Variants in VPS13B observed in about 807,000 individuals in gnomAD.
The protein encoded by VPS13B is intermembrane lipid transfer protein VPS13B.
A neutral mutation model predicts 426.4 loss-of-function variants in VPS13B; 285 were observed. The ratio of observed to expected loss-of-function variants is 0.67; its 90% confidence interval spans 0.61 to 0.74. The LOEUF is 0.74. Among genes scored for constraint, VPS13B ranks in the 30% least tolerant of loss-of-function variants. The pLI is 0.00. For synonymous variants in VPS13B, 1,676 were observed against 1,676.4 expected (o/e 1.00, Z 0.01); for missense variants, 4,537 against 4,782.6 (o/e 0.95, Z 1.51).
intron 19 of VPS13B, among the ~76,000 whole-genome samples, chr8:99,292,593 G>T (rs1333997711): frequency 6.6e-6 from 1 of 152,082 alleles, no homozygotes; most frequent in Non-Finnish European, 1.5e-5. Flanking sequence ...TAGATATTAT[G>T]TTATTTAAAA....
intron 3 of VPS13B, among the ~76,000 whole-genome samples, chr8:99,064,549 G>A (rs1844370013): frequency 6.6e-6 from 1 of 152,138 alleles, no homozygotes. Context: ...GAGAAGAGAA[G>A]TTTAGAGAAA....
intron 4 of VPS13B, among the ~76,000 whole-genome samples, chr8:99,099,076 C>A (rs1846590530): frequency 6.6e-6 from 1 of 151,924 alleles, no homozygotes; most frequent in South Asian, 2.1e-4. Context: ...ATAGTATCAC[C>A]AACTCACATC....
intron 19 of VPS13B, among the ~76,000 whole-genome samples, chr8:99,338,543 G>A (rs1189022751): frequency 1.3e-5 from 2 of 152,088 alleles, no homozygotes; most frequent in Admixed American, 1.3e-4. Flanking sequence ...TTGACGGTAT[G>A]TGATTCACAT....
chr8:99,570,140 T>C (rs1318234383), intron 31 of VPS13B, among the ~76,000 whole-genome samples: 1 of 152,232 alleles, frequency 6.6e-6, no homozygotes, highest in Admixed American at 6.5e-5. Context: ...TCATGGGTGA[T>C]GAGCAGTTTC....
intron 19 of VPS13B, among the ~76,000 whole-genome samples, chr8:99,279,787 T>A (rs1038324883): frequency 1.3e-5 from 2 of 151,832 alleles, no homozygotes; most frequent in African/African-American, 4.8e-5. Context: ...TTTTTTCTTT[T>A]GATATGGAGT....
intron 31 of VPS13B, among the ~76,000 whole-genome samples, chr8:99,574,653 A>G (rs1825678267): frequency 6.6e-6 from 1 of 152,222 alleles, no homozygotes; most frequent in Non-Finnish European, 1.5e-5. Flanking sequence ...TAAATAACTG[A>G]TGAAAGCTGG....
At chr8:99,271,549 T>G (rs1818606912) in intron 17 of VPS13B, among the ~76,000 whole-genome samples, 1 of 152,124 alleles carries the variant, frequency 6.6e-6, no homozygotes, top group Admixed American at 6.5e-5. Context: ...ATTAGCAAAT[T>G]GATAGCTCCG....
chr8:99,171,689 T>C (rs188410235), intron 16 of VPS13B, among the ~76,000 whole-genome samples: 167 of 152,226 alleles, frequency 1.1e-3, no homozygotes, highest in Non-Finnish European at 1.4e-3. Flanking sequence ...TTTGCTTTTT[T>C]GTAGTTAAGA....
intron 15 of VPS13B, among the ~76,000 whole-genome samples, chr8:99,166,072 C>T (rs1210518615): frequency 1.3e-5 from 2 of 152,150 alleles, no homozygotes; most frequent in African/African-American, 2.4e-5. Flanking sequence ...GTCCGCCTCC[C>T]GGGTTCAAGT....
At position 99,568,265 on chromosome 8, in the gene VPS13B, T is replaced by C. The variant is rs1825282574; in HGVS notation, c.4950-7393T>C. On this transcript the variant is annotated intron_variant, in intron 31 of 61. Coordinates refer to ENST00000357162, the MANE Select transcript of VPS13B (RefSeq NM_152564.5). ...TGAAAAAAAAGCCTCTAAATGGATA[T>C]ATACCGATAACTATTATTATTATTA... Among the ~76,000 whole-genome samples the C allele has an allele frequency of 2.0e-5, 3 of 151,432 alleles. No individual in the cohort carries two copies. The South Asian group carries it at 6.2e-4, about 31-fold the overall frequency.
chr8:99,669,812 A>T (rs1830633615), intron 35 of VPS13B, among the ~76,000 whole-genome samples: 1 of 152,076 alleles, frequency 6.6e-6, no homozygotes, highest in African/African-American at 2.4e-5. Context: ...ACTGGTTATA[A>T]TCCTGTTTTG....
chr8:99,316,668 C>G (rs1352243571), intron 19 of VPS13B, among the ~76,000 whole-genome samples: 1 of 152,108 alleles, frequency 6.6e-6, no homozygotes, highest in Non-Finnish European at 1.5e-5. Context: ...TCCCTCACTT[C>G]TTTTTCCTTC....
chr8:99,636,017 G>A (rs1437953499), intron 33 of VPS13B, among the ~76,000 whole-genome samples: 2 of 151,922 alleles, frequency 1.3e-5, no homozygotes, highest in African/African-American at 2.4e-5. Context: ...GCTAGTATCT[G>A]TACCGTATAC....
At chr8:99,590,541 G>A (rs1269987085) in intron 33 of VPS13B, among the ~76,000 whole-genome samples, 1 of 152,114 alleles carries the variant, frequency 6.6e-6, no homozygotes, top group Non-Finnish European at 1.5e-5. Flanking sequence ...TTGTGTCTTT[G>A]TTCTCATTGG....
chr8:99,379,669 A>G (rs1813685653), intron 19 of VPS13B, among the ~76,000 whole-genome samples: 1 of 152,104 alleles, frequency 6.6e-6, no homozygotes, highest in Non-Finnish European at 1.5e-5. Flanking sequence ...ATATCATTCC[A>G]TTTATTAACA....
chr8:99,367,468 A>T (rs181544307), intron 19 of VPS13B, among the ~76,000 whole-genome samples: 1 of 151,924 alleles, frequency 6.6e-6, no homozygotes, highest in South Asian at 2.1e-4. Context: ...ATTTCATAAG[A>T]TTGTCTTCTT....
intron 19 of VPS13B, among the ~76,000 whole-genome samples, chr8:99,333,198 T>C (rs970642225): frequency 3.3e-5 from 5 of 151,756 alleles, no homozygotes; most frequent in African/African-American, 9.7e-5. Context: ...AAATTGTTTT[T>C]ATCTGAAGGG....
chr8:99,338,854 A>T (rs112131730), intron 19 of VPS13B, among the ~76,000 whole-genome samples: 1,802 of 152,294 alleles, frequency 0.012, 32 homozygotes, highest in African/African-American at 0.041. Flanking sequence ...ACAGGAAGAC[A>T]TGTATTCTCC....
intron 19 of VPS13B, among the ~76,000 whole-genome samples, chr8:99,317,101 T>C (rs1011498212): frequency 3.3e-5 from 5 of 152,220 alleles, no homozygotes; most frequent in East Asian, 1.9e-4. Flanking sequence ...CTCAAAGTTA[T>C]AATGAGTTCA....
Sources: allele counts gnomAD v4.1 joint callset (sites outside exome capture counted in the v4.1 genomes callset), GRCh38; gene constraint gnomAD v4.1.1; transcripts MANE v1.5; gene names NCBI Gene and HGNC (gene_info 2026-07-23, HGNC 2026-07-21).